Variants in COPB1 observed in about 807,000 individuals in gnomAD.
COPB1 encodes coat protein complex I subunit beta 1.
In COPB1, 21 loss-of-function variants were observed where a neutral mutation model predicts 108.7. The ratio of observed to expected loss-of-function variants is 0.19; its 90% CI spans 0.14 to 0.28. COPB1 has a LOEUF of 0.28. COPB1 is among the 10% of genes least tolerant of loss of function. The probability of loss-of-function intolerance (pLI) is 1.00; values close to 1 mark genes in which losing one functional copy is unlikely to be tolerated. For missense variants in COPB1, 919 were observed against 1,141.3 expected (o/e 0.81, Z 2.81); for synonymous variants, 378 against 386.8 (o/e 0.98, Z 0.27).
At chr11:14,477,241 G>A (rs1368229224) in intron 11 of COPB1, among the ~76,000 whole-genome samples, 5 of 151,508 alleles carry the variant, frequency 3.3e-5, no homozygotes, top group African/African-American at 7.3e-5. Flanking sequence ...AAAATTAGCC[G>A]GGCATGGTGG....
intron 2 of COPB1, among the ~76,000 whole-genome samples, chr11:14,495,236 G>T (rs1850992029): frequency 6.6e-6 from 1 of 152,130 alleles, no homozygotes; most frequent in Non-Finnish European, 1.5e-5. Context: ...AAACTCAAAG[G>T]CAGAGAAGTA....
chr11:14,458,614 G>C lies in COPB1; in HGVS notation c.2720C>G (p.Ala907Gly), dbSNP rs1006004744. 3.1e-6 allele frequency: 5 copies of C among 1,613,768 alleles called. No homozygotes were observed. Among genetic ancestry groups the C allele is most frequent in the East Asian group, 2.2e-5 (1 of 44,870 alleles). Residue 907 changes from alanine to glycine, a missense_variant, in exon 21 of 22, where the codon GCA (alanine) becomes GGA (glycine). Around this residue, in one of 5 missense-constraint regions of COPB1, gnomAD observed 705 missense variants for 817.8 expected, o/e 0.86. Coordinates refer to ENST00000439561, the MANE Select transcript of COPB1 (RefSeq NM_001144061.2). ...AATTGGCTTCTCAATGCTGACATTTGCAAGTGCATCTTCACCAAATATGGA... is the reference window on the plus strand; with the variant it reads ...AATTGGCTTCTCAATGCTGACATTTCCAAGTGCATCTTCACCAAATATGGA... ...ARSIFGEDALANVSIEKPIHQ... is the reference protein window; with the variant it reads ...ARSIFGEDALGNVSIEKPIHQ...
intron 20 of COPB1, among the ~76,000 whole-genome samples, chr11:14,459,761 C>G (rs1850105067): frequency 6.6e-6 from 1 of 151,942 alleles, no homozygotes; most frequent in African/African-American, 2.4e-5. Flanking sequence ...GGATTACAGG[C>G]ACGTGCCACC....
chr11:14,483,158 A>T lies in COPB1; in HGVS notation c.838-7T>A. The T allele has an allele frequency of 2.0e-6, 3 of 1,526,456 alleles. No homozygotes were observed. Among genetic ancestry groups the T allele is most frequent in the Non-Finnish European group, 2.7e-6 (3 of 1,128,798 alleles). 94.6% of individuals were successfully genotyped at this position (1,526,456 alleles called of 1,614,324 possible). On this transcript the variant is annotated splice_polypyrimidine_tract_variant and splice_region_variant and intron_variant, in intron 7 of 21. Coordinates refer to ENST00000439561, the MANE Select transcript of COPB1 (RefSeq NM_001144061.2). ...TGTAACACTGAGCAGCAGCCTATAT[A>T]AAAAAAGAAATACATTTTAAGAAGT... is the stretch of plus-strand genomic sequence containing the variant.
intron 6 of COPB1, among the ~76,000 whole-genome samples, chr11:14,487,444 A>T (rs1850799152): frequency 6.6e-6 from 1 of 152,160 alleles, no homozygotes; most frequent in African/African-American, 2.4e-5. Flanking sequence ...TGGGAGGCCA[A>T]GGTGGGCAGA....
At chr11:14,480,007 T>C (rs1385683640) in intron 10 of COPB1, among the ~76,000 whole-genome samples, 2 of 152,132 alleles carry the variant, frequency 1.3e-5, no homozygotes, top group African/African-American at 4.8e-5. Context: ...TCTCCCTATA[T>C]TGCCCTGGCT....
intron 16 of COPB1, among the ~76,000 whole-genome samples, chr11:14,467,062 C>T (rs1850297073): frequency 6.6e-6 from 1 of 152,016 alleles, no homozygotes; most frequent in Non-Finnish European, 1.5e-5. Flanking sequence ...CAAAATTAAA[C>T]ACTTTTATGC....
chr11:14,461,267 G>A lies in COPB1; in HGVS notation c.2475C>T (p.Asp825=). ...TTGCAGGCTGGATATAGTCCATGAT[G>A]TCGATGTGAATATCACTGAGAACCA... The part of the protein sequence containing the change: ...NCVVLSDIHI[D]IMDYIQPATC... The change falls in exon 19 of 22, where the codon GAC becomes GAT. Residue 825 remains aspartate (D), a synonymous_variant. Coordinates refer to ENST00000439561, the MANE Select transcript of COPB1 (RefSeq NM_001144061.2). 6.2e-7 allele frequency: 1 copy of A among 1,614,162 alleles called. No homozygotes were observed.
intron 11 of COPB1, chr11:14,478,911 A>C (rs905614089): frequency 1.1e-4 from 16 of 150,868 alleles, no homozygotes; most frequent in African/African-American, 3.4e-4. Context: ...AGCTCTTTTA[A>C]AATTTGTTTA....
intron 16 of COPB1, among the ~76,000 whole-genome samples, chr11:14,467,915 T>C (rs530535274): frequency 1.3e-5 from 2 of 152,308 alleles, no homozygotes; most frequent in South Asian, 4.1e-4. Context: ...TGACGAGTTA[T>C]TGTTTAATGG....
intron 19 of COPB1, among the ~76,000 whole-genome samples, chr11:14,460,514 T>G (rs537631386): frequency 1.3e-5 from 2 of 152,020 alleles, no homozygotes; most frequent in Admixed American, 1.3e-4. Context: ...ATGAAGCATA[T>G]AGAATATTTC....
At chr11:14,465,954 T>C (rs879915887) in intron 17 of COPB1, among the ~76,000 whole-genome samples, 4 of 152,346 alleles carry the variant, frequency 2.6e-5, no homozygotes, top group Non-Finnish European at 4.4e-5. Context: ...AGTTCTGTAA[T>C]GAGGCAATTA....
Position 14,483,108 on chromosome 11 carries a change from T to C in COPB1, c.881A>G (p.Asp294Gly). The change falls in exon 8 of 22, where the codon GAC becomes GGC. Residue 294 changes from aspartate to glycine, a missense_variant. Coordinates refer to ENST00000439561, the MANE Select transcript of COPB1 (RefSeq NM_001144061.2). ...CAAAACTATGAGTTTTACATTGTTG[T>C]CGCTCTCCTTAATAATTAAATCAAT... Reference protein sequence around the residue: ...CYIDLIIKESDNNVKLIVLDR... With the variant: ...CYIDLIIKESGNNVKLIVLDR... The C allele has an allele frequency of 6.3e-7, 1 of 1,592,342 alleles. No homozygotes were observed. The highest frequency in any genetic ancestry group is 8.6e-7 in the Non-Finnish European group (1 of 1,162,880).
intron 7 of COPB1, among the ~76,000 whole-genome samples, chr11:14,484,441 C>T (rs954446880): frequency 5.3e-5 from 8 of 152,150 alleles, no homozygotes; most frequent in Non-Finnish European, 2.9e-5. Context: ...TTGTCCTCAT[C>T]GGGCATGGTG....
chr11:14,482,980 T>A (rs909975886), intron 8 of COPB1, 52 bp downstream of exon 8: 2 of 1,461,216 alleles, frequency 1.4e-6, no homozygotes, highest in Middle Eastern at 1.9e-4. Context: ...GAGAATGACC[T>A]AAATTTGAAA....
intron 13 of COPB1, 52 bp from the exon 14 acceptor site, chr11:14,474,667 A>G (rs1356239976): frequency 1.2e-6 from 2 of 1,604,718 alleles, no homozygotes; most frequent in East Asian, 4.5e-5. Context: ...AGCAGCATGC[A>G]GCTTCTGTAT....
chr11:14,498,425 ATTGT>A (rs1311141677), intron 2 of COPB1, among the ~76,000 whole-genome samples: 8 of 152,224 alleles, frequency 5.3e-5, no homozygotes, highest in African/African-American at 1.7e-4. Flanking sequence ...TGTTCACCTA[ATTGT>A]TTGGGTGGGT....
At chr11:14,464,833 C>T in intron 18 of COPB1, 78 bp downstream of exon 18, 3 of 1,475,512 alleles carry the variant, frequency 2.0e-6, no homozygotes, top group Non-Finnish European at 2.8e-6. Flanking sequence ...TCTCCTCATA[C>T]AATGTCCCCA....
chr11:14,482,248 T>G (rs1850676151), intron 8 of COPB1, among the ~76,000 whole-genome samples: 1 of 152,192 alleles, frequency 6.6e-6, no homozygotes, highest in African/African-American at 2.4e-5. Context: ...TCTGTCCCAA[T>G]AATGTCCTTC....
Sources: gnomAD v4.1 joint callset for allele counts (sites outside exome capture counted in the v4.1 genomes callset) on GRCh38, gnomAD v4.1.1 for gene constraint, gnomAD v4.1.1 regional missense constraint, MANE v1.5 for transcripts, NCBI Gene and HGNC (gene_info 2026-07-23, HGNC 2026-07-21) for gene names.